The following SPATA31F3 variants were observed in gnomAD, a reference collection of about 807,000 sequenced individuals.
SPATA31F3 encodes the protein protein SPATA31F3.
the SPATA31F3 span, chr9:34,892,807 A>G: frequency 4.7e-6 from 3 of 631,804 alleles, no homozygotes; most frequent in East Asian, 5.5e-5. Context: ...GAAAGTGATC[A>G]GCCCAGGAAT....
chr9:34,892,884 G>T, the SPATA31F3 span: 25 of 700,526 alleles, frequency 3.6e-5, no homozygotes, highest in Admixed American at 3.4e-4. Flanking sequence ...TCCATTAATT[G>T]TGACAGTGTT....
chr9:34,895,112 A>G, the SPATA31F3 span: 3 of 398,408 alleles, frequency 7.5e-6, no homozygotes, highest in Admixed American at 4.4e-5. Flanking sequence ...TAGAATGCAA[A>G]GCTGCTACAC....
chr9:34,894,497 C>G, the SPATA31F3 span: 1 of 398,584 alleles, frequency 2.5e-6, no homozygotes, highest in Non-Finnish European at 4.4e-6. Flanking sequence ...GTGAAGTTCT[C>G]CTAGCTGAAG....
At chr9:34,890,306 C>G in the SPATA31F3 span, among the ~76,000 whole-genome samples, 3 of 152,188 alleles carry the variant, frequency 2.0e-5, no homozygotes, top group Admixed American at 2.0e-4. Flanking sequence ...CTTTGAATGT[C>G]ATCAAATGTC....
chr9:34,893,038 G>A, the SPATA31F3 span: 1 of 944,960 alleles, frequency 1.1e-6, no homozygotes. Flanking sequence ...AGATCTGGTT[G>A]TTCTCACCTG....
chr9:34,894,090 A>G, the SPATA31F3 span, among the ~76,000 whole-genome samples: 1 of 152,224 alleles, frequency 6.6e-6, no homozygotes, highest in Non-Finnish European at 1.5e-5. Flanking sequence ...AATAAAGAGA[A>G]TAAGACAGGG....
At chr9:34,895,029 G>A in the SPATA31F3 span, 1 of 398,300 alleles carries the variant, frequency 2.5e-6, no homozygotes, top group Admixed American at 4.4e-5. Flanking sequence ...AGGAGAGACT[G>A]GGACTTTACC....
chr9:34,893,074 CAT>C, the SPATA31F3 span: 1 of 969,074 alleles, frequency 1.0e-6, no homozygotes, highest in Non-Finnish European at 1.5e-6. Context: ...TCTCCAGAGC[CAT>C]AACATTGCAG....
the SPATA31F3 span, chr9:34,893,036 T>G: frequency 1.0e-6 from 1 of 953,350 alleles, no homozygotes; most frequent in East Asian, 2.6e-5. Context: ...GGAGATCTGG[T>G]TGTTCTCACC....
At chr9:34,889,727 C>A in the SPATA31F3 span, 1 of 397,606 alleles carries the variant, frequency 2.5e-6, no homozygotes, top group Non-Finnish European at 4.4e-6. Flanking sequence ...AATTTTGACC[C>A]TGCAAATTTT....
the SPATA31F3 span, chr9:34,894,463 T>G: frequency 2.5e-6 from 1 of 398,508 alleles, no homozygotes; most frequent in South Asian, 1.3e-4. Context: ...AACAGCAGCT[T>G]CCACAACTTC....
chr9:34,892,286 G>A, the SPATA31F3 span, among the ~76,000 whole-genome samples: 1 of 152,168 alleles, frequency 6.6e-6, no homozygotes, highest in African/African-American at 2.4e-5. Context: ...AACCCTGAAA[G>A]CTTAGGTGAA....
chr9:34,889,756 C>T, the SPATA31F3 span: 2 of 397,192 alleles, frequency 5.0e-6, no homozygotes, highest in African/African-American at 4.1e-5. Context: ...AAACATGGCC[C>T]TGAACTATTT....
the SPATA31F3 span, chr9:34,895,137 T>C: frequency 2.5e-6 from 1 of 398,550 alleles, no homozygotes; most frequent in East Asian, 3.6e-5. Flanking sequence ...TTTTCCCATA[T>C]CTAAAATGAA....
At chr9:34,891,575 G>A in the SPATA31F3 span, among the ~76,000 whole-genome samples, 1 of 152,232 alleles carries the variant, frequency 6.6e-6, no homozygotes, top group Non-Finnish European at 1.5e-5. Context: ...GTCACAGGAT[G>A]AACTGGATAG....
the SPATA31F3 span, chr9:34,892,729 C>T: frequency 2.2e-6 from 1 of 464,150 alleles, no homozygotes; most frequent in Non-Finnish European, 3.8e-6. Flanking sequence ...TTCCAGGCTT[C>T]TCAAAGTTTG....
the SPATA31F3 span, among the ~76,000 whole-genome samples, chr9:34,893,474 G>A: frequency 4.3e-3 from 660 of 152,076 alleles, 6 homozygotes; most frequent in African/African-American, 0.015. Context: ...GGTGGCGTAT[G>A]CCTGTAGTCC....
the SPATA31F3 span, chr9:34,895,199 C>T: frequency 7.6e-6 from 3 of 397,124 alleles, no homozygotes; most frequent in Non-Finnish European, 1.3e-5. Flanking sequence ...ATTTTATATA[C>T]TCTTCTATCT....
the SPATA31F3 span, chr9:34,889,457 T>A: frequency 2.5e-6 from 1 of 398,502 alleles, no homozygotes; most frequent in Non-Finnish European, 4.4e-6. Flanking sequence ...GTGTTGTAGC[T>A]CCCCACACAT....
Sources: allele counts gnomAD v4.1 joint callset (sites outside exome capture counted in the v4.1 genomes callset), GRCh38; gene constraint gnomAD v4.1.1; transcripts MANE v1.5; gene names NCBI Gene and HGNC (gene_info 2026-07-23, HGNC 2026-07-21).